Variants in MAGI1 observed in about 807,000 individuals in gnomAD.
MAGI1 encodes membrane-associated guanylate kinase, WW and PDZ domain-containing protein 1.
MAGI1 carries 58 observed loss-of-function variants against 139.9 expected under a neutral mutation model. The observed-to-expected ratio is 0.41, with a 90% CI of 0.34 to 0.52. The LOEUF (loss-of-function observed/expected upper bound fraction) is 0.52. MAGI1 is among the 20% of genes least tolerant of loss of function. MAGI1 has a pLI of 0.12. For missense variants in MAGI1, 1,874 were observed against 1,901.6 expected (o/e 0.99, Z 0.27); for synonymous variants, 812 against 737.9 (o/e 1.10, Z -1.63).
At chr3:65,849,878 T>C (rs551682022) in intron 1 of MAGI1, among the ~76,000 whole-genome samples, 2 of 152,276 alleles carry the variant, frequency 1.3e-5, no homozygotes, top group Admixed American at 6.5e-5. Context: ...TACAGAAATT[T>C]AACCCCAAAG....
At position 65,354,106 on chromosome 3, in the gene MAGI1, A is replaced by G. The variant is rs1395794731; in HGVS notation, c.*2272T>C. 6.6e-6 allele frequency: 1 copy of G among 152,218 alleles called. No individual in the cohort carries two copies. The highest frequency in any genetic ancestry group is 1.5e-5 in the Non-Finnish European group (1 of 68,040). 9.4% of individuals were successfully genotyped at this position (152,218 alleles called of 1,614,324 possible). On this transcript the variant is annotated 3_prime_UTR_variant, in exon 23 of 23. Coordinates refer to ENST00000402939, the MANE Select transcript of MAGI1 (RefSeq NM_001033057.2). ...GAGCATCAGTCATTTAACATCACAG[A>G]TTTTGTTAGAACTAGTGAGAAGAAT...
intron 1 of MAGI1, among the ~76,000 whole-genome samples, chr3:65,796,136 C>G (rs557681267): frequency 1.3e-5 from 2 of 152,004 alleles, no homozygotes; most frequent in African/African-American, 4.8e-5. Context: ...AATTGCAGAG[C>G]TGGCACAGGC....
chr3:65,374,313 C>CTTTTTTTTTT (rs3072933), intron 18 of MAGI1, among the ~76,000 whole-genome samples: 2 of 95,104 alleles, frequency 2.1e-5, no homozygotes, highest in Admixed American at 1.5e-4. Context: ...ATCAACTTAA[C>CTTTTTTTTTT]TTTTTTTTTT....
At chr3:65,955,124 G>A (rs1452327374) in intron 1 of MAGI1, among the ~76,000 whole-genome samples, 2 of 152,092 alleles carry the variant, frequency 1.3e-5, no homozygotes, top group Admixed American at 1.3e-4. Context: ...CAGAAAGAGA[G>A]AATGAGAGAT....
At chr3:65,405,767 G>A (rs1306518919) in intron 12 of MAGI1, among the ~76,000 whole-genome samples, 1 of 151,768 alleles carries the variant, frequency 6.6e-6, no homozygotes, top group Non-Finnish European at 1.5e-5. Context: ...GCTAATTTTT[G>A]TATTTTTAGT....
At chr3:65,580,638 C>A (rs1404539) in intron 2 of MAGI1, among the ~76,000 whole-genome samples, 4,053 of 152,202 alleles carry the variant, frequency 0.027, 134 homozygotes, top group East Asian at 0.13. Flanking sequence ...GTAAATATAT[C>A]TTTCTACCAA....
intron 1 of MAGI1, among the ~76,000 whole-genome samples, chr3:65,876,900 C>T (rs914835698): frequency 1.3e-5 from 2 of 152,020 alleles, no homozygotes; most frequent in African/African-American, 2.4e-5. Flanking sequence ...CCTGCCACCA[C>T]GCCCAGCTAA....
At chr3:65,498,482 TTCTCAGATGTTCAC>T (rs1463009911) in intron 2 of MAGI1, among the ~76,000 whole-genome samples, 9 of 152,154 alleles carry the variant, frequency 5.9e-5, no homozygotes, top group Non-Finnish European at 1.3e-4. Flanking sequence ...TAGCTTCCAT[TTCTCAGATGTTCAC>T]TTATGTCCCA....
At chr3:65,567,780 G>A (rs2080741281) in intron 2 of MAGI1, among the ~76,000 whole-genome samples, 1 of 152,112 alleles carries the variant, frequency 6.6e-6, no homozygotes, top group African/African-American at 2.4e-5. Context: ...AGGTTGCAGT[G>A]AGCCATGATC....
intron 1 of MAGI1, among the ~76,000 whole-genome samples, chr3:65,683,475 T>C (rs1049595630): frequency 6.7e-6 from 1 of 148,338 alleles, no homozygotes; most frequent in Non-Finnish European, 1.5e-5. Flanking sequence ...TAAAGCCTTA[T>C]TAAAAAAAAG....
chr3:65,836,816 G>GAGAGAA (rs1211969535), intron 1 of MAGI1, among the ~76,000 whole-genome samples: 4 of 152,108 alleles, frequency 2.6e-5, no homozygotes, highest in African/African-American at 2.4e-5. Context: ...GAGAGAGACA[G>GAGAGAA]AGAGAAAGAG....
chr3:65,498,250 C>T (rs1172054004), intron 2 of MAGI1, among the ~76,000 whole-genome samples: 1 of 146,806 alleles, frequency 6.8e-6, no homozygotes, highest in Non-Finnish European at 1.5e-5. Flanking sequence ...CAAATTCTAC[C>T]ATGTTTCTCA....
intron 1 of MAGI1, among the ~76,000 whole-genome samples, chr3:65,842,442 C>T (rs1290794013): frequency 1.3e-5 from 2 of 151,768 alleles, no homozygotes; most frequent in East Asian, 3.9e-4. Context: ...CTCACCACAA[C>T]CTCCGCCTCC....
intron 1 of MAGI1, chr3:65,688,526 T>C: frequency 4.7e-6 from 2 of 426,364 alleles, no homozygotes; most frequent in Admixed American, 5.8e-5. Context: ...AGGTAGGTGC[T>C]ACTGGTAGGT....
At chr3:65,500,920 C>A (rs985508293) in intron 2 of MAGI1, among the ~76,000 whole-genome samples, 1 of 152,300 alleles carries the variant, frequency 6.6e-6, no homozygotes, top group Admixed American at 6.5e-5. Context: ...CTAACACAAT[C>A]ATTTGCATCT....
In MAGI1 at chr3:65,626,761, C is replaced by T. The variant is rs114066797; in HGVS notation, c.314-4673G>A. Among the ~76,000 whole-genome samples the T allele has an allele frequency of 8.1e-3, 1,237 of 152,302 alleles. 18 individuals carry two copies. Among genetic ancestry groups the T allele is most frequent in the African/African-American group, 0.028 (1,180 of 41,564 alleles). Reference sequence around the variant, plus strand: ...GTGCAAAAAGACAGAGTTTACTATGCTGCCAGTTAACATTTACTCTGAGTT... The same window carrying T: ...GTGCAAAAAGACAGAGTTTACTATGTTGCCAGTTAACATTTACTCTGAGTT... On this transcript the variant is annotated intron_variant, in intron 1 of 22. Transcript: ENST00000402939.
chr3:65,431,727 C>T (rs965931771), intron 10 of MAGI1, among the ~76,000 whole-genome samples: 19 of 152,076 alleles, frequency 1.2e-4, no homozygotes, highest in Admixed American at 2.0e-4. Context: ...TGGCTCATGC[C>T]TGTAATCCTA....
chr3:65,420,585 T>G (rs1244849389), intron 12 of MAGI1, among the ~76,000 whole-genome samples: 2 of 152,182 alleles, frequency 1.3e-5, no homozygotes, highest in African/African-American at 4.8e-5. Flanking sequence ...GCCTAGACGA[T>G]GACAGGCACG....
chr3:65,855,172 G>A (rs1020327224), intron 1 of MAGI1, among the ~76,000 whole-genome samples: 3 of 152,000 alleles, frequency 2.0e-5, no homozygotes, highest in Non-Finnish European at 4.4e-5. Flanking sequence ...GACAGGATGT[G>A]CTCATTAAAA....
Sources: allele counts gnomAD v4.1 joint callset (sites outside exome capture counted in the v4.1 genomes callset), GRCh38; gene constraint gnomAD v4.1.1; transcripts MANE v1.5; gene names NCBI Gene and HGNC (gene_info 2026-07-23, HGNC 2026-07-21).